The following RAPSN variants were observed in gnomAD, a reference collection of about 807,000 sequenced individuals.
RAPSN encodes 43 kDa receptor-associated protein of the synapse.
RAPSN carries 33 observed loss-of-function variants against 45.7 expected under a neutral mutation model. The observed-to-expected ratio is 0.72, with a 90% CI of 0.55 to 0.97. The LOEUF is 0.97. RAPSN is among the 50% of genes least tolerant of loss of function. The pLI, the probability that RAPSN is intolerant of heterozygous loss-of-function variation, is 0.00. For synonymous variants in RAPSN, 244 were observed against 233.6 expected (o/e 1.04, Z -0.40); for missense variants, 519 against 559.4 (o/e 0.93, Z 0.73).
intron 2 of RAPSN, among the ~76,000 whole-genome samples, chr11:47,444,388 A>G (rs1043209274): frequency 6.6e-6 from 1 of 151,922 alleles, no homozygotes; most frequent in Admixed American, 6.6e-5. Flanking sequence ...AAAATTTAAA[A>G]ATTAGCCAGA....
chr11:47,438,199 T>C, intron 7 of RAPSN, 152 bp from the exon 8 acceptor site: 1 of 940,574 alleles, frequency 1.1e-6, no homozygotes, highest in South Asian at 1.5e-5. Flanking sequence ...CCCCCCAGGC[T>C]CCCACTGCAC....
Position 47,448,252 on chromosome 11 carries a change from C to T in RAPSN, c.193-102G>A, listed in dbSNP as rs558309651. ...AGACCTGGAGGCCCCACACCCACCC[C>T]CCAGCCTCACACCCAAAGCAGCAGA... On this transcript the variant is annotated intron_variant, in intron 1 of 7. Transcript: ENST00000298854. 7.4e-6 allele frequency: 9 copies of T among 1,214,010 alleles called. No individual in the cohort carries two copies. The Admixed American group carries it at 9.3e-5, about 12-fold the overall frequency. The allele number at this position is 1,214,010 out of a possible 1,614,324, so 75.2% of individuals were successfully genotyped here. A position where few individuals can be genotyped will look rare whatever the true frequency, so the allele number is the denominator to read the frequency against.
Position 47,437,839 on chromosome 11 carries a change from C to A in RAPSN, c.*136G>T. 1 of 1,088,224 alleles carries A rather than the reference C, an allele frequency of 9.2e-7. No individual in the cohort carries two copies. The highest frequency in any genetic ancestry group is 1.4e-6 in the Non-Finnish European group (1 of 732,102). 67.4% of individuals were successfully genotyped at this position (1,088,224 alleles called of 1,614,324 possible). A position where few individuals can be genotyped will look rare whatever the true frequency, so the allele number is the denominator to read the frequency against. On this transcript the variant is annotated 3_prime_UTR_variant, in exon 8 of 8. Transcript: ENST00000298854. Reference sequence around the variant, plus strand: ...GGGAGGGGAGCTGGGCCCAGGGGAGCAGCCCTGGGCAGGCCCCAAGGCCTT... The same window carrying A: ...GGGAGGGGAGCTGGGCCCAGGGGAGAAGCCCTGGGCAGGCCCCAAGGCCTT...
rs1376756900 is a variant in RAPSN, at chr11:47,449,053, GC to G, written c.-90del. Reference sequence around the variant, plus strand: ...TGGGGCAGGAATCACAGTGCCAGCTGCCCCCCGAAACGTGGGAACAAAAGCA... The same window carrying G: ...TGGGGCAGGAATCACAGTGCCAGCTGCCCCCGAAACGTGGGAACAAAAGCA... On this transcript the variant is annotated 5_prime_UTR_variant, in exon 1 of 8. Transcript: ENST00000298854. 9.9e-6 allele frequency: 15 copies of G among 1,521,544 alleles called. No homozygotes were observed. The African/African-American group carries it at 1.9e-4, about 19-fold the overall frequency. The allele number at this position is 1,521,544 out of a possible 1,614,324, so 94.3% of individuals were successfully genotyped here.
chr11:47,437,866 G>T lies in RAPSN; in HGVS notation c.*109C>A. 1 of 1,414,306 alleles carries T rather than the reference G, an allele frequency of 7.1e-7. No homozygotes were observed. The highest frequency in any genetic ancestry group is 9.7e-7 in the Non-Finnish European group (1 of 1,025,886). 87.6% of individuals were successfully genotyped at this position (1,414,306 alleles called of 1,614,324 possible). On this transcript the variant is annotated 3_prime_UTR_variant, in exon 8 of 8. Transcript: ENST00000298854. ...GCCCTGGGCAGGCCCCAAGGCCTTG[G>T]CTATGGTGAGGACGACCTGGCAGCT... is the stretch of plus-strand genomic sequence containing the variant.
intron 6 of RAPSN, among the ~76,000 whole-genome samples, chr11:47,439,788 T>A (rs1282216346): frequency 1.3e-5 from 2 of 149,904 alleles, no homozygotes; most frequent in East Asian, 4.0e-4. Flanking sequence ...TCTTGGTTCA[T>A]GGCAACCTCC....
In RAPSN at chr11:47,441,871, G is replaced by C. The variant is rs747387595; in HGVS notation, c.741C>G (p.Leu247=). Reference sequence around the variant, plus strand: ...GGATGTCAGCGAAGCAGAGCAGGCAGAGCGCCTGCAGTGGCCGGTCCCCGT... The same window carrying C: ...GGATGTCAGCGAAGCAGAGCAGGCACAGCGCCTGCAGTGGCCGGTCCCCGT... ...LQHGDRPLQA[L]CLLCFADIHR... is the part of the protein sequence containing the mutation. Residue 247 remains leucine (L), a synonymous_variant, in exon 4 of 8, where the codon CTC becomes CTG. Transcript: ENST00000298854. The C allele has an allele frequency of 4.4e-6, 7 of 1,595,566 alleles. No individual in the cohort carries two copies. The Admixed American group carries it at 5.1e-5, about 12-fold the overall frequency.
intron 6 of RAPSN, 97 bp from the exon 7 acceptor site, chr11:47,439,028 A>G: frequency 1.5e-6 from 2 of 1,362,714 alleles, no homozygotes; most frequent in South Asian, 2.6e-5. Flanking sequence ...TTGCTGATGG[A>G]CCTTGGAAAA....
intron 7 of RAPSN, 143 bp from the exon 8 acceptor site, chr11:47,438,190 C>G (rs948418935): frequency 3.0e-5 from 30 of 988,396 alleles, no homozygotes; most frequent in Non-Finnish European, 3.2e-5. Flanking sequence ...GGGAACGGTC[C>G]CCCCAGGCTC....
rs1198546329 is a variant in RAPSN, at chr11:47,441,626, C to T, written c.897G>A (p.Arg299=). The change falls in exon 5 of 8, where the codon AGG becomes AGA. Residue 299 remains arginine (R), a synonymous_variant. Transcript: ENST00000298854. ...LLGVAKCWVA[R]KALDKALDAI... ...CCGACCTCACCTTGTCCAGCGCCTT[C>T]CTGGCCACCCAGCACTTGGCCACAC... The T allele has an allele frequency of 1.2e-6, 2 of 1,607,674 alleles. No individual in the cohort carries two copies. Among genetic ancestry groups the T allele is most frequent in the African/African-American group, 1.3e-5 (1 of 74,910 alleles).
chr11:47,440,617 G>A (rs1301698058), intron 6 of RAPSN, among the ~76,000 whole-genome samples: 2 of 152,102 alleles, frequency 1.3e-5, no homozygotes, highest in Non-Finnish European at 2.9e-5. Context: ...GTGTGGTGGC[G>A]GGTGCCTATA....
chr11:47,438,817 G>C lies in RAPSN; in HGVS notation c.1081C>G (p.Leu361Val), dbSNP rs1231669536. The C allele has an allele frequency of 2.1e-5, 33 of 1,573,842 alleles. No homozygotes were observed. The highest frequency in any genetic ancestry group is 2.8e-5 in the Non-Finnish European group (33 of 1,158,800). Residue 361 changes from leucine (L) to valine (V), a missense_variant, in exon 7 of 8, where the codon CTC becomes GTC. Transcript: ENST00000298854. Reference sequence around the variant, plus strand: ...GACTCGCCGCACAGGCCGCAGTAGAGCTCCGTCTCCTCCACGCACTCGTGG... The same window carrying C: ...GACTCGCCGCACAGGCCGCAGTAGACCTCCGTCTCCTCCACGCACTCGTGG... ...RFHECVEETE[L>V]YCGLCGESIG...
At chr11:47,447,578 TCCCATTATTC>T (rs891243913) in intron 2 of RAPSN, among the ~76,000 whole-genome samples, 2 of 152,134 alleles carry the variant, frequency 1.3e-5, no homozygotes, top group Non-Finnish European at 2.9e-5. Context: ...CAGAGGAGCC[TCCCATTATTC>T]CTCCAGGAAG....
chr11:47,440,848 T>C (rs1470028445), intron 6 of RAPSN, among the ~76,000 whole-genome samples: 1 of 152,130 alleles, frequency 6.6e-6, no homozygotes, highest in Non-Finnish European at 1.5e-5. Context: ...GTGATCCTCC[T>C]ACCTCGGCCT....
chr11:47,442,523 G>T, intron 3 of RAPSN, 133 bp downstream of exon 3: 1 of 1,021,186 alleles, frequency 9.8e-7, no homozygotes. Flanking sequence ...CGCCTTTAGA[G>T]AGGCTGGGCC....
intron 5 of RAPSN, 69 bp downstream of exon 5, chr11:47,441,542 G>C (rs139790291): frequency 6.3e-7 from 1 of 1,595,340 alleles, no homozygotes; most frequent in Non-Finnish European, 8.5e-7. Flanking sequence ...TGAAAGAGCC[G>C]GCTAACCTAC....
rs11556408 is a variant in RAPSN, at chr11:47,448,943, G to T, written c.22C>A (p.Gln8Lys). MGQDQTK[Q>K]QIEKGLQLYQ... ...AGCTGGAGCCCCTTCTCGATCTGCT[G>T]CTTGGTCTGGTCCTGCCCCATCCTC... Residue 8 changes from glutamine (Q) to lysine (K), a missense_variant, in exon 1 of 8, where the codon CAG becomes AAG. Physicochemically the swap from Gln to Lys is moderately conservative, Grantham distance 53. Coordinates refer to ENST00000298854, the MANE Select transcript of RAPSN (RefSeq NM_005055.5). 1.6e-5 allele frequency: 26 copies of T among 1,614,112 alleles called. No homozygotes were observed. The highest frequency in any genetic ancestry group is 8.9e-5 in the East Asian group (4 of 44,890).
chr11:47,438,029 C>T lies in RAPSN; in HGVS notation c.1185G>A (p.Gly395=), dbSNP rs1287446389. 2 of 1,549,996 alleles carry T rather than the reference C, an allele frequency of 1.3e-6. No homozygotes were observed. Among genetic ancestry groups the T allele is most frequent in the South Asian group, 2.4e-5 (2 of 83,978 alleles). The change falls in exon 8 of 8, where the codon GGG becomes GGA. Residue 395 remains glycine (G), a synonymous_variant. Transcript: ENST00000298854. ...GGCGGCAGTTGGGACAGCTCCGGGT[C>T]CCGTTGTTCTGCAGGCACCTGGGGA... ...IFHLRCLQNN[G]TRSCPNCRRS...
In RAPSN at chr11:47,447,979, C is replaced by T. The variant is rs150756111; in HGVS notation, c.364G>A (p.Gly122Arg). Reference sequence around the variant, plus strand: ...CCCATGCTCAGGCTGACCTGGCCTCCGAGCTGGGCACCTGCCCTGGTACCA... The same window carrying T: ...CCCATGCTCAGGCTGACCTGGCCTCTGAGCTGGGCACCTGCCCTGGTACCA... ...LPGTRAGAQL[G>R]GQVSLSMGNA... Residue 122 changes from glycine to arginine, a missense_variant, in exon 2 of 8, where the codon GGA becomes AGA. By Grantham distance (125) the Gly-to-Arg change is moderately radical. Transcript: ENST00000298854. 5.9e-5 allele frequency: 95 copies of T among 1,613,810 alleles called. No homozygotes were observed. The highest frequency in any genetic ancestry group is 1.1e-4 in the South Asian group (10 of 91,088).
Sources: allele counts gnomAD v4.1 joint callset (sites outside exome capture counted in the v4.1 genomes callset), GRCh38; gene constraint gnomAD v4.1.1; transcripts MANE v1.5; gene names NCBI Gene and HGNC (gene_info 2026-07-23, HGNC 2026-07-21).